PACRG: variants seen among roughly 807,000 people sequenced by gnomAD.
PACRG encodes the protein parkin coregulated.
In PACRG, 29 loss-of-function variants were observed where a neutral mutation model predicts 29.7. That is an observed-to-expected ratio of 0.98 (90% CI 0.73 to 1.33). PACRG has a LOEUF of 1.33. Among genes scored for constraint, PACRG ranks in the 40% most tolerant of loss-of-function variants. The pLI is 0.00. For missense variants in PACRG, 279 were observed against 316.2 expected, an observed-to-expected ratio of 0.88 and a Z score of 0.89; for synonymous variants, 116 against 118.7, an observed-to-expected ratio of 0.98 and a Z score of 0.15.
At chr6:163,039,098 G>A (rs948209070) in intron 2 of PACRG, among the ~76,000 whole-genome samples, 11 of 152,130 alleles carry the variant, frequency 7.2e-5, no homozygotes, top group African/African-American at 2.2e-4. Context: ...AGTTTACCCC[G>A]TGCTATTCTC....
At chr6:162,746,744 T>G (rs919853752) in intron 1 of PACRG, among the ~76,000 whole-genome samples, 3 of 152,222 alleles carry the variant, frequency 2.0e-5, no homozygotes, top group Admixed American at 1.3e-4. Flanking sequence ...TCTGGATTTT[T>G]TAATTCTAGC....
At chr6:163,287,837 T>C (rs1784452585) in intron 4 of PACRG, among the ~76,000 whole-genome samples, 1 of 152,174 alleles carries the variant, frequency 6.6e-6, no homozygotes, top group African/African-American at 2.4e-5. Context: ...GGCCCGACCG[T>C]GGCCATGCTG....
chr6:162,852,025 A>AAAGGAAGGG (rs1790950308), intron 2 of PACRG, among the ~76,000 whole-genome samples: 1 of 135,804 alleles, frequency 7.4e-6, no homozygotes, highest in Non-Finnish European at 1.6e-5. Flanking sequence ...GGAAGGAAGG[A>AAAGGAAGGG]AGGAAGGAAG....
intron 3 of PACRG, among the ~76,000 whole-genome samples, chr6:163,064,584 A>G (rs1186001309): frequency 6.6e-6 from 1 of 152,222 alleles, no homozygotes; most frequent in African/African-American, 2.4e-5. Flanking sequence ...GACTTTTCTC[A>G]AGAAGAAATG....
chr6:162,908,139 A>G (rs1163046179), intron 2 of PACRG, among the ~76,000 whole-genome samples: 3 of 152,240 alleles, frequency 2.0e-5, no homozygotes, highest in African/African-American at 7.2e-5. Flanking sequence ...ACTTACATAA[A>G]GTCATATACC....
chr6:162,976,702 A>G (rs1216379830), intron 2 of PACRG, among the ~76,000 whole-genome samples: 3 of 152,238 alleles, frequency 2.0e-5, no homozygotes, highest in African/African-American at 7.2e-5. Flanking sequence ...GAATCTAACT[A>G]ATGTAATAAA....
chr6:162,902,490 T>C (rs1795630996), intron 2 of PACRG, among the ~76,000 whole-genome samples: 1 of 152,220 alleles, frequency 6.6e-6, no homozygotes, highest in African/African-American at 2.4e-5. Flanking sequence ...AAACAAAATG[T>C]TTTTCCTGTC....
At chr6:162,937,036 T>G (rs1315300455) in intron 2 of PACRG, among the ~76,000 whole-genome samples, 3 of 152,172 alleles carry the variant, frequency 2.0e-5, no homozygotes, top group Non-Finnish European at 2.9e-5. Context: ...ACACTGAGTT[T>G]GAAAGTGCCA....
At chr6:163,116,024 C>T (rs553195757) in intron 4 of PACRG, among the ~76,000 whole-genome samples, 9 of 152,310 alleles carry the variant, frequency 5.9e-5, no homozygotes, top group Non-Finnish European at 2.9e-5. Context: ...GATATAGTTA[C>T]ACTTCTAGAG....
At chr6:163,211,473 A>G (rs1303298814) in intron 4 of PACRG, among the ~76,000 whole-genome samples, 3 of 152,316 alleles carry the variant, frequency 2.0e-5, no homozygotes, top group Middle Eastern at 3.4e-3. Context: ...TCAAGCTTAT[A>G]TACACAGGTG....
chr6:163,006,218 A>G (rs1002299491), intron 2 of PACRG, among the ~76,000 whole-genome samples: 1 of 145,962 alleles, frequency 6.9e-6, no homozygotes, highest in Non-Finnish European at 1.5e-5. Flanking sequence ...CCATATATAT[A>G]TATATGTATA....
chr6:162,822,122 A>G (rs1787896078), intron 2 of PACRG, among the ~76,000 whole-genome samples: 1 of 152,228 alleles, frequency 6.6e-6, no homozygotes, highest in African/African-American at 2.4e-5. Flanking sequence ...CAGGAGATTG[A>G]TAGTGGACAT....
chr6:163,302,609 G>A (rs1275318513), intron 4 of PACRG, among the ~76,000 whole-genome samples: 1 of 152,100 alleles, frequency 6.6e-6, no homozygotes, highest in Admixed American at 6.5e-5. Context: ...CATTTGATGA[G>A]ATATTCCCAC....
intron 2 of PACRG, among the ~76,000 whole-genome samples, chr6:162,935,568 C>T (rs541179971): frequency 6.6e-6 from 1 of 151,306 alleles, no homozygotes; most frequent in South Asian, 2.1e-4. Context: ...TATGCTATTT[C>T]TTTTTTAAAA....
chr6:162,761,515 C>T (rs1160594430), intron 1 of PACRG, among the ~76,000 whole-genome samples: 1 of 152,056 alleles, frequency 6.6e-6, no homozygotes, highest in African/African-American at 2.4e-5. Flanking sequence ...TGCAGTGTGC[C>T]AGTTATATCT....
rs1200414301 is a variant in PACRG, at chr6:163,197,627, T to A, written c.613+108219T>A. On this transcript the variant is annotated intron_variant, in intron 4 of 4. Transcript: ENST00000366888. ...CCCGGCTAATTTTTTTTTTTCGTGTTTTTAGTAGAGACGGGGTTTCACCGT... is the reference window on the plus strand; with the variant it reads ...CCCGGCTAATTTTTTTTTTTCGTGTATTTAGTAGAGACGGGGTTTCACCGT... Among the ~76,000 whole-genome samples the A allele has an allele frequency of 2.6e-5, 4 of 151,926 alleles. No individual in the cohort carries two copies. The East Asian group carries it at 7.8e-4, about 30-fold the overall frequency.
chr6:163,029,548 G>A (rs528223919), intron 2 of PACRG, among the ~76,000 whole-genome samples: 2 of 152,350 alleles, frequency 1.3e-5, no homozygotes, highest in East Asian at 3.9e-4. Flanking sequence ...TGCCAGCCAT[G>A]TGGATTGCAT....
intron 2 of PACRG, among the ~76,000 whole-genome samples, chr6:162,921,686 A>G (rs139372435): frequency 1.3e-5 from 2 of 152,118 alleles, no homozygotes; most frequent in African/African-American, 2.4e-5. Context: ...AATTGTATAC[A>G]CTTATTGGAT....
chr6:163,072,711 A>G (rs1160800815), intron 3 of PACRG, among the ~76,000 whole-genome samples: 1 of 152,166 alleles, frequency 6.6e-6, no homozygotes, highest in Non-Finnish European at 1.5e-5. Context: ...TGAAAAACCT[A>G]AAGACTCCAC....
Sources: allele counts gnomAD v4.1 joint callset (sites outside exome capture counted in the v4.1 genomes callset), GRCh38; gene constraint gnomAD v4.1.1; transcripts MANE v1.5; gene names NCBI Gene and HGNC (gene_info 2026-07-23, HGNC 2026-07-21).